RAD51B: variants seen among roughly 807,000 people sequenced by gnomAD.
RAD51B encodes RAD51 paralog B, also known as DNA repair protein RAD51 homolog 2.
RAD51B carries 38 observed loss-of-function variants against 42.2 expected under a neutral mutation model. That is an observed-to-expected ratio of 0.90 (90% confidence interval 0.70 to 1.18). The LOEUF is 1.18. Ranked by LOEUF, RAD51B falls within the 50% of genes most tolerant of loss-of-function variation. The pLI is 0.00. For synonymous variants in RAD51B, 154 were observed against 145.2 expected, an observed-to-expected ratio of 1.06 and a Z score of -0.43; for missense variants, 373 against 400.7, an observed-to-expected ratio of 0.93 and a Z score of 0.59.
At position 68,086,990 on chromosome 14, in the gene RAD51B, C is replaced by T. The variant is rs140417623; in HGVS notation, c.756+199786C>T. 3.0e-3 allele frequency among the ~76,000 whole-genome samples: 449 copies of T among 152,084 alleles called. 2 individuals are homozygous for T. Among genetic ancestry groups the T allele is most frequent in the African/African-American group, 0.01 (431 of 41,470 alleles). On this transcript the variant is annotated intron_variant, in intron 7 of 10. Coordinates refer to ENST00000471583, the MANE Select transcript of RAD51B (RefSeq NM_133510.4). ...ATCTCTACTAAAAATACAAAATTAGCTGGGTGTGGTGGTGCATGCCTGTAA... is the reference window on the plus strand; with the variant it reads ...ATCTCTACTAAAAATACAAAATTAGTTGGGTGTGGTGGTGCATGCCTGTAA...
intron 7 of RAD51B, among the ~76,000 whole-genome samples, chr14:68,260,889 A>G (rs548475537): frequency 2.0e-5 from 3 of 152,374 alleles, no homozygotes; most frequent in African/African-American, 4.8e-5. Context: ...TTGAAGATAT[A>G]CTTAGATAAT....
exon 11 of RAD51B, chr14:68,594,703 A>T: frequency 7.9e-7 from 1 of 1,271,078 alleles, no homozygotes. Flanking sequence ...CGCTAGGATT[A>T]CAAGTATGAG....
intron 7 of RAD51B, among the ~76,000 whole-genome samples, chr14:68,077,912 C>T (rs977045164): frequency 2.6e-5 from 4 of 152,112 alleles, no homozygotes; most frequent in African/African-American, 7.2e-5. Flanking sequence ...GCCAAGACTG[C>T]GCCACTGCAC....
At position 67,922,331 on chromosome 14, in the gene RAD51B, G is replaced by C. The variant is rs1872852106; in HGVS notation, c.756+35127G>C. On this transcript the variant is annotated intron_variant, in intron 7 of 10. Coordinates refer to ENST00000471583, the MANE Select transcript of RAD51B (RefSeq NM_133510.4). The stretch of plus-strand genomic sequence containing the variant: ...TGGGCTTTATTGCCTCTTGCTGTCA[G>C]CTTTGGGCCCTAGTTACTGATTCTG... Among the ~76,000 whole-genome samples the C allele has an allele frequency of 2.0e-5, 3 of 152,142 alleles. No individual in the cohort carries two copies. The South Asian group carries it at 6.2e-4, about 32-fold the overall frequency.
downstream of RAD51B, among the ~76,000 whole-genome samples, chr14:68,614,930 T>C (rs1376409178): frequency 1.3e-5 from 2 of 152,230 alleles, no homozygotes; most frequent in Non-Finnish European, 2.9e-5. Context: ...TGGAGTGCAC[T>C]GGCATGATCT....
At chr14:67,993,265 C>CTA (rs748346155) in intron 7 of RAD51B, among the ~76,000 whole-genome samples, 3 of 152,002 alleles carry the variant, frequency 2.0e-5, no homozygotes, top group Non-Finnish European at 4.4e-5. Context: ...CCCTGTTGTG[C>CTA]TATTTAGCCC....
intron 7 of RAD51B, among the ~76,000 whole-genome samples, chr14:68,147,575 C>T (rs936240869): frequency 1.3e-5 from 2 of 152,102 alleles, no homozygotes; most frequent in African/African-American, 4.8e-5. Context: ...TATTATTTAT[C>T]CCTTGTAATC....
chr14:68,545,989 G>A (rs1888214419), intron 10 of RAD51B, among the ~76,000 whole-genome samples: 1 of 152,172 alleles, frequency 6.6e-6, no homozygotes, highest in Non-Finnish European at 1.5e-5. Context: ...TCATGTATCT[G>A]TTTTTTAGCT....
intron 10 of RAD51B, among the ~76,000 whole-genome samples, chr14:68,571,714 A>T (rs1364747730): frequency 6.6e-6 from 1 of 152,128 alleles, no homozygotes; most frequent in Non-Finnish European, 1.5e-5. Flanking sequence ...GACACCTTTG[A>T]GGGGCCGTTA....
chr14:67,910,615 G>A (rs960233901), intron 7 of RAD51B, among the ~76,000 whole-genome samples: 1 of 151,394 alleles, frequency 6.6e-6, no homozygotes, highest in African/African-American at 2.4e-5. Flanking sequence ...AATTTTACTG[G>A]ATTTGTATTT....
intron 11 of RAD51B, among the ~76,000 whole-genome samples, chr14:68,659,348 A>T (rs1892887425): frequency 6.6e-6 from 1 of 152,224 alleles, no homozygotes; most frequent in Non-Finnish European, 1.5e-5. Context: ...TAAAGTCTTC[A>T]TCTGTCCCCC....
intron 10 of RAD51B, among the ~76,000 whole-genome samples, chr14:68,604,186 A>G (rs1230918159): frequency 6.6e-6 from 1 of 152,146 alleles, no homozygotes; most frequent in Non-Finnish European, 1.5e-5. Flanking sequence ...TGCACGCGAG[A>G]GTGGCTGGAG....
intron 11 of RAD51B, chr14:68,683,053 C>A: frequency 4.3e-6 from 3 of 703,434 alleles, no homozygotes; most frequent in Non-Finnish European, 5.3e-6. Flanking sequence ...CCAAAATATG[C>A]CTGTTATTTT....
At chr14:67,883,859 T>C (rs1595058706) in intron 5 of RAD51B, among the ~76,000 whole-genome samples, 1 of 152,332 alleles carries the variant, frequency 6.6e-6, no homozygotes, top group East Asian at 1.9e-4. Context: ...CCTCAATAAA[T>C]ATTTGTTGAA....
intron 7 of RAD51B, among the ~76,000 whole-genome samples, chr14:68,110,788 A>G (rs34911969): frequency 1.3e-5 from 2 of 152,188 alleles, no homozygotes; most frequent in Non-Finnish European, 2.9e-5. Context: ...GTTAAACTCA[A>G]AAGCCCATGA....
At chr14:68,559,334 G>A (rs1046768588) in intron 10 of RAD51B, among the ~76,000 whole-genome samples, 1 of 151,176 alleles carries the variant, frequency 6.6e-6, no homozygotes, top group African/African-American at 2.4e-5. Context: ...CATATGACAC[G>A]ATATGAATTT....
chr14:68,411,400 C>T (rs747549491), intron 8 of RAD51B, 24 bp from the exon 9 acceptor site: 26 of 1,595,842 alleles, frequency 1.6e-5, no homozygotes, highest in South Asian at 5.5e-5. Flanking sequence ...CATCTGAAAG[C>T]GTGCTTTTAC....
intron 7 of RAD51B, among the ~76,000 whole-genome samples, chr14:68,285,570 G>A (rs1465215805): frequency 1.3e-5 from 2 of 152,216 alleles, no homozygotes; most frequent in African/African-American, 4.8e-5. Flanking sequence ...TTACTTGAGA[G>A]CTAGAAGTAT....
At chr14:67,855,385 C>T (rs942143724) in intron 4 of RAD51B, among the ~76,000 whole-genome samples, 7 of 146,702 alleles carry the variant, frequency 4.8e-5, no homozygotes, top group East Asian at 3.9e-4. Context: ...TGCCCGCCAC[C>T]ACGCTTGGCT....
Sources: gnomAD v4.1 joint callset for allele counts (sites outside exome capture counted in the v4.1 genomes callset) on GRCh38, gnomAD v4.1.1 for gene constraint, MANE v1.5 for transcripts, NCBI Gene and HGNC (gene_info 2026-07-23, HGNC 2026-07-21) for gene names.